Variants in EP300 observed in about 807,000 individuals in gnomAD.
EP300 encodes EP300 lysine acetyltransferase, also known as histone acetyltransferase p300.
In EP300, 31 loss-of-function variants were observed where a neutral mutation model predicts 264.0. The ratio of observed to expected loss-of-function variants is 0.12; its 90% CI spans 0.09 to 0.16. The LOEUF (loss-of-function observed/expected upper bound fraction) is 0.16. Among genes scored for constraint, EP300 ranks in the 10% least tolerant of loss-of-function variants. The pLI is 1.00. For missense variants in EP300, 2,766 were observed against 3,052.9 expected, an observed-to-expected ratio of 0.91 and a Z score of 2.21; for synonymous variants, 1,340 against 1,045.4, an observed-to-expected ratio of 1.28 and a Z score of -5.44.
rs138241570 is a variant in EP300 at position 41,117,540 on chromosome 22, T to C, written c.448T>C (p.Ser150Pro). 2.0e-5 allele frequency: 33 copies of C among 1,614,004 alleles called. No homozygotes were observed. In the African/African-American group the frequency reaches 3.5e-4, roughly 17 times the overall value. The stretch of plus-strand genomic sequence containing the variant: ...TGGACCAAATCAGGGTCCTACGCAG[T>C]CAACAGGTATGATGAACAGTCCAGT... The part of the protein sequence containing the change: ...TSGPNQGPTQ[S>P]TGMMNSPVNQ... Residue 150 changes from serine (S) to proline (P), a missense_variant, in exon 2 of 31, where the codon TCA becomes CCA. Transcript: ENST00000263253.
intron 29 of EP300, 93 bp from the exon 30 acceptor site, chr22:41,176,154 A>AGGTTG: frequency 7.0e-7 from 1 of 1,435,744 alleles, no homozygotes; most frequent in South Asian, 1.2e-5. Context: ...CAGGAGGCAG[A>AGGTTG]GGTTGTAGTG....
intron 10 of EP300, among the ~76,000 whole-genome samples, chr22:41,144,252 T>TA (rs767378391): frequency 7.2e-5 from 11 of 152,212 alleles, no homozygotes; most frequent in Admixed American, 1.3e-4. Context: ...TAAAGGGTTT[T>TA]TGATTATTTG....
intron 22 of EP300, 22 bp downstream of exon 22, chr22:41,164,152 T>G: frequency 6.2e-7 from 1 of 1,609,044 alleles, no homozygotes; most frequent in East Asian, 2.2e-5. Context: ...CGTTGTTACT[T>G]TCTCTGGAAT....
At chr22:41,176,616 G>A (rs2145514426) in intron 30 of EP300, 88 bp downstream of exon 30, 1 of 1,606,708 alleles carries the variant, frequency 6.2e-7, no homozygotes, top group Non-Finnish European at 8.5e-7. Context: ...AGAGGCCTGT[G>A]GGATGCTAGG....
rs971554293 is a variant in EP300, at chr22:41,127,473, G to T, written c.907-14G>T. 1.2e-6 allele frequency: 2 copies of T among 1,613,750 alleles called. No individual in the cohort carries two copies. Among genetic ancestry groups the T allele is most frequent in the South Asian group, 2.2e-5 (2 of 91,072 alleles). On this transcript the variant is annotated splice_polypyrimidine_tract_variant and intron_variant, in intron 3 of 30. Transcript: ENST00000263253. ...TATGACTCCTACCATTAAATATATT[G>T]TTATATCTCTCAGGGTCAACAGCCA...
intron 17 of EP300, among the ~76,000 whole-genome samples, chr22:41,155,369 C>G (rs917827508): frequency 4.6e-5 from 7 of 152,078 alleles, no homozygotes; most frequent in African/African-American, 1.7e-4. Flanking sequence ...GCTGGGATAA[C>G]TACATTCATG....
At chr22:41,124,081 C>T (rs554305531) in intron 2 of EP300, among the ~76,000 whole-genome samples, 2 of 152,278 alleles carry the variant, frequency 1.3e-5, no homozygotes, top group South Asian at 2.1e-4. Flanking sequence ...AACCCCGTCT[C>T]GACTGAAAGT....
At position 41,178,438 on chromosome 22, in the gene EP300, G is replaced by A; in HGVS notation, c.6727G>A (p.Gly2243Ser). 6.2e-7 allele frequency: 1 copy of A among 1,614,114 alleles called. No homozygotes were observed. Among genetic ancestry groups the A allele is most frequent in the East Asian group, 2.2e-5 (1 of 44,872 alleles). The change falls in exon 31 of 31, where the codon GGC (glycine) becomes AGC (serine). Residue 2243 changes from glycine to serine, a missense_variant. Physicochemically the swap from Gly to Ser is moderately conservative, Grantham distance 56. Transcript: ENST00000263253. Reference protein sequence around the residue: ...QMQQGNMGQIGQLPQALGAEA... With the variant: ...QMQQGNMGQISQLPQALGAEA... Reference sequence around the variant, plus strand: ...GCAACAAGGAAATATGGGACAGATAGGCCAGCTTCCCCAGGCCTTGGGAGC... The same window carrying A: ...GCAACAAGGAAATATGGGACAGATAAGCCAGCTTCCCCAGGCCTTGGGAGC...
chr22:41,093,207 T>A, intron 1 of EP300, 109 bp downstream of exon 1: 1 of 1,094,672 alleles, frequency 9.1e-7, no homozygotes, highest in Non-Finnish European at 1.3e-6. Context: ...TCCCTGCCCC[T>A]TAATTAATTT....
chr22:41,127,554 C>G lies in EP300; in HGVS notation c.974C>G (p.Ser325Cys). 1 of 1,614,228 alleles carries G rather than the reference C, an allele frequency of 6.2e-7. No homozygotes were observed. Among genetic ancestry groups the G allele is most frequent in the Middle Eastern group, 1.6e-4 (1 of 6,062 alleles). Residue 325 changes from serine to cysteine, a missense_variant, in exon 4 of 31, where the codon TCT becomes TGT. Ser to Cys is a moderately radical substitution (Grantham distance 112). Transcript: ENST00000263253. ...ACTCCAGTTGCCCAAGGGATGGGTT[C>G]TGGAGCACATACAGCTGATCCAGAG... ...LVTPVAQGMG[S>C]GAHTADPEKR...
At position 41,117,776 on chromosome 22, in the gene EP300, C is replaced by G. The variant is rs749187279; in HGVS notation, c.684C>G (p.Pro228=). ...CTGAGCCTCTTCAGCAGGGCTCTCCCCAGATGGGAGGACAAACAGGATTGA... is the reference window on the plus strand; with the variant it reads ...CTGAGCCTCTTCAGCAGGGCTCTCCGCAGATGGGAGGACAAACAGGATTGA... The part of the protein sequence containing the change: ...LLTEPLQQGS[P]QMGGQTGLRG... The change falls in exon 2 of 31, where the codon CCC becomes CCG. Residue 228 remains proline, a synonymous_variant. Transcript: ENST00000263253. 1.2e-6 allele frequency: 2 copies of G among 1,614,202 alleles called. No individual in the cohort carries two copies. The highest frequency in any genetic ancestry group is 1.7e-6 in the Non-Finnish European group (2 of 1,180,032).
chr22:41,167,580 GTGTGTATATATATATATATATATA>G lies in EP300; in HGVS notation c.3875-867_3875-844del, dbSNP rs1468187613. Among the ~76,000 whole-genome samples, 555 of 30,178 alleles carry G rather than the reference GTGTGTATATATATATATATATATA, an allele frequency of 0.018. 25 individuals carry two copies. In the East Asian group the frequency reaches 0.19, roughly 10 times the overall value. 19.8% of individuals were successfully genotyped at this position (30,178 alleles called of 152,430 possible). ...TATATTTGTGTGTGTGTGTGTGTGT[GTGTGTATATATATATATATATATA>G]TATATATATATATATATATATATAT... On this transcript the variant is annotated intron_variant, in intron 23 of 30. Coordinates refer to ENST00000263253, the MANE Select transcript of EP300 (RefSeq NM_001429.4).
At chr22:41,169,742 T>G (rs1196984918) in intron 26 of EP300, 126 bp downstream of exon 26, 3 of 673,908 alleles carry the variant, frequency 4.5e-6, no homozygotes, top group African/African-American at 1.8e-5. Flanking sequence ...ACGTAACAAT[T>G]CTCTTAACTT....
chr22:41,161,106 C>T (rs1296472465), intron 20 of EP300, among the ~76,000 whole-genome samples: 1 of 152,182 alleles, frequency 6.6e-6, no homozygotes, highest in Non-Finnish European at 1.5e-5. Flanking sequence ...TACAAGAAAA[C>T]ATCATTATTA....
At chr22:41,113,374 A>T (rs1216602360) in intron 1 of EP300, among the ~76,000 whole-genome samples, 1 of 152,020 alleles carries the variant, frequency 6.6e-6, no homozygotes, top group African/African-American at 2.4e-5. Flanking sequence ...CCAAAAAACT[A>T]ACTTCTAGTT....
intron 6 of EP300, among the ~76,000 whole-genome samples, chr22:41,134,316 C>T (rs1054790043): frequency 1.3e-5 from 2 of 151,798 alleles, no homozygotes; most frequent in African/African-American, 4.8e-5. Context: ...AGTTTGGTCT[C>T]GCTGTGTGCA....
At chr22:41,134,268 A>T (rs2058937418) in intron 6 of EP300, among the ~76,000 whole-genome samples, 1 of 150,494 alleles carries the variant, frequency 6.6e-6, no homozygotes, top group Admixed American at 6.7e-5. Flanking sequence ...GTTTTCTTAG[A>T]TAAATTATGG....
At chr22:41,119,462 G>A (rs985740365) in intron 2 of EP300, among the ~76,000 whole-genome samples, 6 of 152,030 alleles carry the variant, frequency 3.9e-5, no homozygotes, top group Non-Finnish European at 4.4e-5. Context: ...TGCCACCGAT[G>A]TTTATATTCT....
chr22:41,145,104 A>G (rs1026957588), intron 10 of EP300, among the ~76,000 whole-genome samples: 1 of 152,136 alleles, frequency 6.6e-6, no homozygotes, highest in Non-Finnish European at 1.5e-5. Context: ...ACACCTATCC[A>G]TATTGTTGAC....
Sources: gnomAD v4.1 joint callset for allele counts (sites outside exome capture counted in the v4.1 genomes callset) on GRCh38, gnomAD v4.1.1 for gene constraint, MANE v1.5 for transcripts, NCBI Gene and HGNC (gene_info 2026-07-23, HGNC 2026-07-21) for gene names.